Variants in KTN1 observed in about 807,000 individuals in gnomAD.
KTN1 encodes kinectin.
A neutral mutation model predicts 222.5 loss-of-function variants in KTN1; 130 were observed. The observed-to-expected ratio is 0.58, with a 90% confidence interval of 0.51 to 0.68. The LOEUF (loss-of-function observed/expected upper bound fraction) is 0.68. Ranked by LOEUF, KTN1 falls within the 30% of genes least tolerant of loss-of-function variation. The pLI, the probability that KTN1 is intolerant of heterozygous loss-of-function variation, is 0.00. For synonymous variants in KTN1, 512 were observed against 496.3 expected, an observed-to-expected ratio of 1.03 and a Z score of -0.42; for missense variants, 1,508 against 1,500.4, an observed-to-expected ratio of 1.01 and a Z score of -0.08.
At chr14:55,639,450 C>G (rs1056171353) in intron 13 of KTN1, among the ~76,000 whole-genome samples, 2 of 144,562 alleles carry the variant, frequency 1.4e-5, no homozygotes, top group African/African-American at 5.1e-5. Context: ...TTTATTATAA[C>G]AAGAGTTGGG....
intron 28 of KTN1, among the ~76,000 whole-genome samples, chr14:55,654,119 T>A (rs1029156232): frequency 9.9e-5 from 15 of 152,194 alleles, no homozygotes; most frequent in African/African-American, 2.9e-4. Flanking sequence ...TCTGTAGATA[T>A]TAATCTTAGA....
chr14:55,602,185 A>G (rs1013633880), intron 1 of KTN1, among the ~76,000 whole-genome samples: 5 of 152,176 alleles, frequency 3.3e-5, no homozygotes, highest in African/African-American at 7.2e-5. Context: ...TTTGAGTTCA[A>G]TTTTATTTTC....
intron 43 of KTN1, chr14:55,680,607 C>G (rs2046279664): frequency 1.3e-6 from 1 of 752,426 alleles, no homozygotes. Context: ...TACAAGGCCT[C>G]AGGGAGAGCT....
intron 40 of KTN1, chr14:55,674,774 A>G (rs573190321): frequency 1.3e-5 from 2 of 152,208 alleles, no homozygotes; most frequent in African/African-American, 2.4e-5. Flanking sequence ...AGTGGTTGAT[A>G]CTTACTTTTT....
intron 18 of KTN1, among the ~76,000 whole-genome samples, chr14:55,645,153 C>T (rs1043179386): frequency 1.3e-5 from 2 of 152,134 alleles, no homozygotes; most frequent in African/African-American, 4.8e-5. Context: ...CAGGGAACAA[C>T]TAAACCTCGT....
At chr14:55,682,082 TATTC>T (rs1337405129) in intron 43 of KTN1, 4 of 152,182 alleles carry the variant, frequency 2.6e-5, no homozygotes, top group African/African-American at 7.2e-5. Flanking sequence ...ATGCTGCACA[TATTC>T]AATAAAGGGA....
Position 55,652,843 on chromosome 14 carries a change from T to G in KTN1, c.2604-7T>G. 1 of 1,556,768 alleles carries G rather than the reference T, an allele frequency of 6.4e-7. No homozygotes were observed. The highest frequency in any genetic ancestry group is 8.7e-7 in the Non-Finnish European group (1 of 1,144,964). The stretch of plus-strand genomic sequence containing the variant: ...TTCATTTAGAGTTCTGATTAATTTA[T>G]TATCAGATTAAAAGGAAAAGAGGAA... On this transcript the variant is annotated splice_region_variant and splice_polypyrimidine_tract_variant and intron_variant, in intron 25 of 43. Transcript: ENST00000395314.
chr14:55,592,766 T>A (rs1412285277), intron 1 of KTN1, among the ~76,000 whole-genome samples: 1 of 152,224 alleles, frequency 6.6e-6, no homozygotes, highest in Non-Finnish European at 1.5e-5. Context: ...ACATATATTG[T>A]GAAGTAGATC....
intron 1 of KTN1, among the ~76,000 whole-genome samples, chr14:55,604,584 A>G (rs914613261): frequency 2.6e-5 from 4 of 152,076 alleles, no homozygotes; most frequent in East Asian, 3.8e-4. Flanking sequence ...ACCCTTTCAT[A>G]TACTGCATAC....
At chr14:55,589,278 A>G (rs971179534) in intron 1 of KTN1, among the ~76,000 whole-genome samples, 4 of 152,200 alleles carry the variant, frequency 2.6e-5, no homozygotes, top group African/African-American at 9.6e-5. Context: ...AGCATTCAAA[A>G]TAACATACTA....
rs1230036271 is a variant in KTN1, at chr14:55,616,542, T to G, written c.549T>G (p.Thr183=). 6.3e-7 allele frequency: 1 copy of G among 1,590,258 alleles called. No homozygotes were observed. Among genetic ancestry groups the G allele is most frequent in the Non-Finnish European group, 8.5e-7 (1 of 1,174,018 alleles). ...ATGACCAGGATAAAAAGGTGGAAACTCTCATGGTACCATCAAAAAGGCAAG... is the reference window on the plus strand; with the variant it reads ...ATGACCAGGATAAAAAGGTGGAAACGCTCATGGTACCATCAAAAAGGCAAG... ...GSDDQDKKVE[T]LMVPSKRQEA... Residue 183 remains threonine (T), a synonymous_variant, in exon 3 of 44, where the codon ACT becomes ACG. Transcript: ENST00000395314.
chr14:55,625,322 TATTA>T (rs1318226209), intron 5 of KTN1, among the ~76,000 whole-genome samples: 3 of 152,210 alleles, frequency 2.0e-5, no homozygotes, highest in Admixed American at 6.5e-5. Context: ...AATGTTTAAT[TATTA>T]ATTTTTTATC....
intron 7 of KTN1, among the ~76,000 whole-genome samples, chr14:55,632,033 T>A: frequency 6.6e-6 from 1 of 152,180 alleles, no homozygotes; most frequent in Non-Finnish European, 1.5e-5. Context: ...GAAATGCCAC[T>A]AATAGCAAAA....
intron 32 of KTN1, chr14:55,662,926 C>T: frequency 2.2e-6 from 1 of 456,082 alleles, no homozygotes; most frequent in Admixed American, 2.3e-5. Flanking sequence ...AATGCAGCAG[C>T]AGCAGCAGCG....
intron 1 of KTN1, among the ~76,000 whole-genome samples, chr14:55,593,376 CA>C (rs1019890243): frequency 1.4e-5 from 2 of 145,314 alleles, no homozygotes; most frequent in Non-Finnish European, 3.0e-5. Flanking sequence ...CTCTTGCATT[CA>C]AATCAAAACT....
At chr14:55,640,788 G>A in intron 15 of KTN1, 145 bp from the exon 16 acceptor site, 3 of 680,450 alleles carry the variant, frequency 4.4e-6, no homozygotes, top group South Asian at 2.1e-5. Context: ...ATATCGAACA[G>A]CAAAACATGT....
chr14:55,659,142 G>C (rs2043827554), intron 30 of KTN1, among the ~76,000 whole-genome samples: 1 of 152,088 alleles, frequency 6.6e-6, no homozygotes, highest in African/African-American at 2.4e-5. Context: ...AGTATTTTGA[G>C]AAACAAATGA....
chr14:55,644,310 TA>T, intron 18 of KTN1: 1 of 693,346 alleles, frequency 1.4e-6, no homozygotes, highest in South Asian at 1.5e-5. Flanking sequence ...TTTAGTTATG[TA>T]AAAATTTCAG....
intron 15 of KTN1, 112 bp downstream of exon 15, chr14:55,640,554 T>G: frequency 2.8e-6 from 2 of 716,884 alleles, no homozygotes; most frequent in Non-Finnish European, 4.6e-6. Context: ...ATATAATGGT[T>G]TATCATCTTT....
Sources: allele counts gnomAD v4.1 joint callset (sites outside exome capture counted in the v4.1 genomes callset), GRCh38; gene constraint gnomAD v4.1.1; transcripts MANE v1.5; gene names NCBI Gene and HGNC (gene_info 2026-07-23, HGNC 2026-07-21).